The following CDH1 variants were observed in gnomAD, a reference collection of about 807,000 sequenced individuals.
CDH1 encodes cadherin-1.
A neutral mutation model predicts 84.5 loss-of-function variants in CDH1; 35 were observed. That is an observed-to-expected ratio of 0.41 (90% CI 0.32 to 0.55). The LOEUF (loss-of-function observed/expected upper bound fraction) is 0.55, where lower values mean the gene tolerates loss of function less well. CDH1 is among the 20% of genes least tolerant of loss of function. CDH1 has a pLI of 0.19. For missense variants in CDH1, 994 were observed against 1,126.6 expected (o/e 0.88, Z 1.68); for synonymous variants, 417 against 439.0 (o/e 0.95, Z 0.63).
intron 2 of CDH1, among the ~76,000 whole-genome samples, chr16:68,776,668 C>A (rs1959741206): frequency 6.6e-6 from 1 of 152,138 alleles, no homozygotes; most frequent in African/African-American, 2.4e-5. Context: ...CTGCACCTGG[C>A]ATAAAGTTTC....
chr16:68,807,594 T>C (rs1960699155), intron 3 of CDH1, among the ~76,000 whole-genome samples: 1 of 151,922 alleles, frequency 6.6e-6, no homozygotes. Context: ...TAGGCTGAGG[T>C]CAGAGGCTTG....
chr16:68,745,106 G>C (rs1962687295), intron 2 of CDH1, among the ~76,000 whole-genome samples: 2 of 151,902 alleles, frequency 1.3e-5, no homozygotes, highest in Admixed American at 1.3e-4. Flanking sequence ...GAACTGGAGT[G>C]GGAGGAGTGG....
chr16:68,801,101 T>C (rs971021679), intron 2 of CDH1, among the ~76,000 whole-genome samples: 2 of 152,022 alleles, frequency 1.3e-5, no homozygotes, highest in African/African-American at 4.8e-5. Flanking sequence ...CTTTTTAAAG[T>C]TTTAGTTACT....
At chr16:68,824,575 C>A (rs955194182) in intron 13 of CDH1, among the ~76,000 whole-genome samples, 4 of 152,210 alleles carry the variant, frequency 2.6e-5, no homozygotes, top group Non-Finnish European at 5.9e-5. Flanking sequence ...CTTCTACTTA[C>A]AATTGAAAAT....
At chr16:68,781,068 C>T (rs1327678533) in intron 2 of CDH1, among the ~76,000 whole-genome samples, 4 of 152,216 alleles carry the variant, frequency 2.6e-5, no homozygotes, top group East Asian at 1.9e-4. Context: ...AAAAAAGTGT[C>T]GGCTGACAAG....
rs781280931 is a variant in CDH1, at chr16:68,823,437, G to A, written c.1975G>A (p.Glu659Lys). The stretch of plus-strand genomic sequence containing the variant: ...CATTTTGAAGCCAAAGATGGCCTTA[G>A]AGGTGGGTGACTACAAAATCAATCT... ...SIILKPKMALEVGDYKINLKL... is the reference protein window; with the variant it reads ...SIILKPKMALKVGDYKINLKL... Residue 659 changes from glutamate to lysine, a missense_variant, in exon 13 of 16, where the codon GAG (glutamate) becomes AAG (lysine). By Grantham distance (56) the Glu-to-Lys change is moderately conservative (BLOSUM62 1). Around this residue, in one of 3 missense-constraint regions of CDH1, gnomAD observed 769 missense variants for 881.8 expected, o/e 0.87. Coordinates refer to ENST00000261769, the MANE Select transcript of CDH1 (RefSeq NM_004360.5). The A allele has an allele frequency of 6.2e-7, 1 of 1,614,012 alleles. No individual in the cohort carries two copies. Among genetic ancestry groups the A allele is most frequent in the Admixed American group, 1.7e-5 (1 of 60,002 alleles).
intron 3 of CDH1, among the ~76,000 whole-genome samples, chr16:68,808,218 T>C (rs1053259328): frequency 2.0e-5 from 3 of 152,246 alleles, no homozygotes; most frequent in Non-Finnish European, 2.9e-5. Context: ...CTTTACGATA[T>C]AGCAAAGGGT....
chr16:68,796,023 C>G (rs982042487), intron 2 of CDH1, among the ~76,000 whole-genome samples: 6 of 151,554 alleles, frequency 4.0e-5, no homozygotes, highest in Non-Finnish European at 8.8e-5. Flanking sequence ...ATTAGCCGGG[C>G]GTGGTGGCAG....
chr16:68,747,027 C>A (rs983306967), intron 2 of CDH1, among the ~76,000 whole-genome samples: 14 of 152,014 alleles, frequency 9.2e-5, no homozygotes, highest in African/African-American at 3.1e-4. Context: ...TCCAGTGCAC[C>A]CAGGCCTAAG....
In CDH1 at chr16:68,833,473, A is replaced by G. The variant is rs1555518287; in HGVS notation, c.2623A>G (p.Met875Val). Reference protein sequence around the residue: ...WGNRFKKLADMYGGGEDD With the variant: ...WGNRFKKLADVYGGGEDD ...CAATCGCTTCAAGAAGCTGGCTGACATGTACGGAGGCGGCGAGGACGACTA... is the reference window on the plus strand; with the variant it reads ...CAATCGCTTCAAGAAGCTGGCTGACGTGTACGGAGGCGGCGAGGACGACTA... Residue 875 changes from methionine (M) to valine (V), a missense_variant, in exon 16 of 16, where the codon ATG becomes GTG. Met to Val is a conservative substitution (Grantham distance 21, BLOSUM62 1). Around this residue, in one of 3 missense-constraint regions of CDH1, gnomAD observed 769 missense variants for 881.8 expected, o/e 0.87. Coordinates refer to ENST00000261769, the MANE Select transcript of CDH1 (RefSeq NM_004360.5). 1 of 1,614,040 alleles carries G rather than the reference A, an allele frequency of 6.2e-7. No homozygotes were observed. Among genetic ancestry groups the G allele is most frequent in the African/African-American group, 1.3e-5 (1 of 75,034 alleles).
intron 2 of CDH1, among the ~76,000 whole-genome samples, chr16:68,783,154 T>C (rs1262093938): frequency 6.6e-6 from 1 of 151,788 alleles, no homozygotes; most frequent in Non-Finnish European, 1.5e-5. Context: ...CCTGGCACTT[T>C]GGGAGGCCGA....
chr16:68,828,137 GCT>G (rs778186320), intron 13 of CDH1, 35 bp from the exon 14 acceptor site: 17 of 1,612,268 alleles, frequency 1.1e-5, no homozygotes, highest in Non-Finnish European at 1.4e-5. Context: ...TTTATCTTTG[GCT>G]CTCAACACTT....
intron 2 of CDH1, among the ~76,000 whole-genome samples, chr16:68,738,964 T>TTTTTTTTAA (rs555202424): frequency 4.6e-5 from 3 of 65,364 alleles, no homozygotes; most frequent in African/African-American, 1.7e-4. Flanking sequence ...TTTTTTTTTT[T>TTTTTTTTAA]AAAGACAGGG....
At chr16:68,752,751 C>T (rs1220299172) in intron 2 of CDH1, among the ~76,000 whole-genome samples, 2 of 152,118 alleles carry the variant, frequency 1.3e-5, no homozygotes, top group East Asian at 3.9e-4. Context: ...AAACAGCTTG[C>T]AGTCTGGAGT....
chr16:68,766,696 T>C (rs1054112245), intron 2 of CDH1, among the ~76,000 whole-genome samples: 2 of 151,844 alleles, frequency 1.3e-5, no homozygotes, highest in African/African-American at 4.8e-5. Flanking sequence ...TAACATATAA[T>C]TCTCCCAGTT....
At chr16:68,737,562 C>A in intron 1 of CDH1, 99 bp downstream of exon 1, 1 of 1,087,618 alleles carries the variant, frequency 9.2e-7, no homozygotes, top group Non-Finnish European at 1.3e-6. Context: ...CGCTTCCCTT[C>A]TTCCAAGAAA....
intron 2 of CDH1, among the ~76,000 whole-genome samples, chr16:68,741,500 T>C (rs1424215285): frequency 6.6e-6 from 1 of 152,164 alleles, no homozygotes; most frequent in East Asian, 1.9e-4. Context: ...TCACTTTTTG[T>C]GCACAGGCAG....
At chr16:68,819,216 G>A (rs771998120) in intron 10 of CDH1, 64 bp from the exon 11 acceptor site, 15 of 1,581,470 alleles carry the variant, frequency 9.5e-6, no homozygotes, top group Non-Finnish European at 1.3e-5. Context: ...AAGCGCTTAA[G>A]CCGTTTTCAG....
At chr16:68,825,328 A>G (rs1259885032) in intron 13 of CDH1, among the ~76,000 whole-genome samples, 1 of 152,166 alleles carries the variant, frequency 6.6e-6, no homozygotes, top group Non-Finnish European at 1.5e-5. Flanking sequence ...CCCTCCTAGC[A>G]AAGCACAGCA....
Sources: gnomAD v4.1 joint callset for allele counts (sites outside exome capture counted in the v4.1 genomes callset) on GRCh38, gnomAD v4.1.1 for gene constraint, gnomAD v4.1.1 regional missense constraint, MANE v1.5 for transcripts, NCBI Gene and HGNC (gene_info 2026-07-23, HGNC 2026-07-21) for gene names.